The following SRSF6 variants were observed in gnomAD, a reference collection of about 807,000 sequenced individuals.
SRSF6 encodes the protein serine/arginine-rich splicing factor 6.
In SRSF6, 17 loss-of-function variants were observed where a neutral mutation model predicts 42.0. The observed-to-expected ratio is 0.40, with a 90% CI of 0.28 to 0.61. The LOEUF is 0.61. SRSF6 is among the 20% of genes least tolerant of loss of function. SRSF6 has a pLI of 0.37. For synonymous variants in SRSF6, 204 were observed against 166.7 expected (o/e 1.22, Z -1.72); for missense variants, 379 against 471.4 (o/e 0.80, Z 1.81).
rs1265646174 is a variant in SRSF6, at chr20:43,460,733, T to C, written c.705T>C (p.Arg235=). 3 of 1,613,950 alleles carry C rather than the reference T, an allele frequency of 1.9e-6. No homozygotes were observed. The highest frequency in any genetic ancestry group is 8.5e-7 in the Non-Finnish European group (1 of 1,179,896). ...RSRSRSKGRS[R]SRSKGRKSRS... is the part of the protein sequence containing the mutation. The stretch of plus-strand genomic sequence containing the variant: ...GGTCGCGGAGCAAAGGTCGATCACG[T>C]TCTCGATCAAAAGGCAGGAAATCTA... The change falls in exon 6 of 6, where the codon CGT becomes CGC. Residue 235 remains arginine, a synonymous_variant. Coordinates refer to ENST00000244020, the MANE Select transcript of SRSF6 (RefSeq NM_006275.6).
intron 1 of SRSF6, 90 bp downstream of exon 1, chr20:43,458,230 C>G: frequency 1.4e-6 from 2 of 1,464,552 alleles, no homozygotes; most frequent in Non-Finnish European, 1.8e-6. Flanking sequence ...GGCCGCGGCG[C>G]CGCGTGGCAG....
intron 2 of SRSF6, 69 bp downstream of exon 2, chr20:43,458,578 T>TC (rs2017538032): frequency 7.2e-7 from 1 of 1,386,472 alleles, no homozygotes; most frequent in Non-Finnish European, 9.3e-7. Context: ...GGGTGGGGCC[T>TC]CCCAGCCCGG....
At chr20:43,458,545 G>A (rs889754566) in intron 2 of SRSF6, 36 bp downstream of exon 2, 3 of 1,454,008 alleles carry the variant, frequency 2.1e-6, no homozygotes, top group African/African-American at 1.5e-5. Context: ...CGCCCTTGGG[G>A]ACCCTGGGGG....
rs1053075328 is a variant in SRSF6, at chr20:43,463,978, C to T, written c.*2915C>T. 2.6e-5 allele frequency: 4 copies of T among 152,208 alleles called. No homozygotes were observed. Among genetic ancestry groups the T allele is most frequent in the African/African-American group, 9.6e-5 (4 of 41,454 alleles). 9.4% of individuals were successfully genotyped at this position (152,208 alleles called of 1,614,324 possible). A position where few individuals can be genotyped will look rare whatever the true frequency, so the allele number is the denominator to read the frequency against. ...CAGCTGCTGTTAACAGTTCTTGTAT[C>T]TGCTCAAGAGATTTCTATGATCATA... On this transcript the variant is annotated 3_prime_UTR_variant, in exon 6 of 6. Coordinates refer to ENST00000244020, the MANE Select transcript of SRSF6 (RefSeq NM_006275.6).
Position 43,461,111 on chromosome 20 carries a change from G to A in SRSF6, c.*48G>A. ...TTATTATGGAACACTTTCCTACTTA[G>A]GCAGTTACTCTTCCATGTTTATACT... On this transcript the variant is annotated 3_prime_UTR_variant, in exon 6 of 6. Coordinates refer to ENST00000244020, the MANE Select transcript of SRSF6 (RefSeq NM_006275.6). 2 of 1,506,960 alleles carry A rather than the reference G, an allele frequency of 1.3e-6. No individual in the cohort carries two copies. Among genetic ancestry groups the A allele is most frequent in the South Asian group, 1.4e-5 (1 of 73,276 alleles). 93.3% of individuals were successfully genotyped at this position (1,506,960 alleles called of 1,614,324 possible).
At position 43,460,209 on chromosome 20, in the gene SRSF6, C is replaced by G. The variant is rs752947409; in HGVS notation, c.558C>G (p.Ser186Arg). Residue 186 changes from serine to arginine, a missense_variant, in exon 4 of 6, where the codon AGC (serine) becomes AGG (arginine). Ser to Arg is a moderately radical substitution (Grantham distance 110). Around this residue, in one of 3 missense-constraint regions of SRSF6, gnomAD observed 219 missense variants for 216.1 expected, o/e 1.01. Transcript: ENST00000244020. ...IRLIEDKPRTSHRRSYSGSRS... is the reference protein window; with the variant it reads ...IRLIEDKPRTRHRRSYSGSRS... Reference sequence around the variant, plus strand: ...TTATTGAAGATAAGCCACGCACAAGCCATAGGCGATCTTACTCTGGAAGCA... The same window carrying G: ...TTATTGAAGATAAGCCACGCACAAGGCATAGGCGATCTTACTCTGGAAGCA... 1 of 1,614,100 alleles carries G rather than the reference C, an allele frequency of 6.2e-7. No homozygotes were observed. Among genetic ancestry groups the G allele is most frequent in the Non-Finnish European group, 8.5e-7 (1 of 1,179,994 alleles).
intron 2 of SRSF6, chr20:43,459,075 T>A (rs1410858614): frequency 3.9e-6 from 5 of 1,290,348 alleles, no homozygotes; most frequent in Middle Eastern, 2.5e-4. Flanking sequence ...TTTTTGGTTA[T>A]GTTAAATGTT....
rs551284677 is a variant in SRSF6 at position 43,463,733 on chromosome 20, T to C, written c.*2670T>C. 2 of 152,414 alleles carry C rather than the reference T, an allele frequency of 1.3e-5. No individual in the cohort carries two copies. Among genetic ancestry groups the C allele is most frequent in the East Asian group, 3.9e-4 (2 of 5,188 alleles). 9.4% of individuals were successfully genotyped at this position (152,414 alleles called of 1,614,324 possible). ...ATGAGAACAGGATCTTGTGTTCACT[T>C]ACCCAGAAACGTGAGTTTGGGATTT... is the stretch of plus-strand genomic sequence containing the variant. On this transcript the variant is annotated 3_prime_UTR_variant, in exon 6 of 6. Transcript: ENST00000244020.
Position 43,459,902 on chromosome 20 carries a change from T to C in SRSF6, c.381+7T>C, listed in dbSNP as rs1208558036. 6.2e-7 allele frequency: 1 copy of C among 1,602,256 alleles called. No homozygotes were observed. Among genetic ancestry groups the C allele is most frequent in the Non-Finnish European group, 8.5e-7 (1 of 1,175,206 alleles). ...CAGTTGGCAAGATTTAAAGGTATGT[T>C]TTGTAATTCAAGATAGAAATGATAT... On this transcript the variant is annotated splice_region_variant and intron_variant, in intron 3 of 5. Transcript: ENST00000244020.
chr20:43,458,221 G>A, intron 1 of SRSF6, 81 bp downstream of exon 1: 3 of 1,474,596 alleles, frequency 2.0e-6, no homozygotes, highest in Non-Finnish European at 1.8e-6. Flanking sequence ...AGCGGCCAAG[G>A]CCGCGGCGCC....
intron 2 of SRSF6, chr20:43,459,165 C>A (rs768366306): frequency 1.5e-6 from 2 of 1,352,144 alleles, no homozygotes; most frequent in Non-Finnish European, 2.0e-6. Flanking sequence ...ACCAATGGGG[C>A]TGAGGCTGTG....
chr20:43,458,273 G>A (rs1044603860), intron 1 of SRSF6, 88 bp from the exon 2 acceptor site: 5 of 1,398,796 alleles, frequency 3.6e-6, no homozygotes, highest in Admixed American at 3.5e-5. Context: ...CGGCGTCGCG[G>A]GGGCGCGCGG....
Position 43,460,541 on chromosome 20 carries a change from G to C in SRSF6, c.617G>C (p.Ser206Thr). The C allele has an allele frequency of 5.6e-6, 9 of 1,614,184 alleles. No homozygotes were observed. Among genetic ancestry groups the C allele is most frequent in the Non-Finnish European group, 7.6e-6 (9 of 1,180,022 alleles). The change falls in exon 5 of 6, where the codon AGT becomes ACT. Residue 206 changes from serine (S) to threonine (T), a missense_variant. Coordinates refer to ENST00000244020, the MANE Select transcript of SRSF6 (RefSeq NM_006275.6). ...TCTCGATCTAGAAGACGGTCACGAA[G>C]TAGGAGTCGCAGGAGCAGCCGCAGT... ...SRSRSRRRSR[S>T]RSRRSSRSRS...
In SRSF6 at chr20:43,462,288, G is replaced by A. The variant is rs1431336607; in HGVS notation, c.*1225G>A. The A allele has an allele frequency of 6.6e-6, 1 of 152,188 alleles. No homozygotes were observed. The highest frequency in any genetic ancestry group is 1.9e-4 in the East Asian group (1 of 5,194). 9.4% of individuals were successfully genotyped at this position (152,188 alleles called of 1,614,324 possible). On this transcript the variant is annotated 3_prime_UTR_variant, in exon 6 of 6. Transcript: ENST00000244020. ...AACCAAATTTGAATACTGCAAATTT[G>A]TAGGAGTTACTAGGTTAGCAATTAG...
Position 43,463,237 on chromosome 20 carries a change from A to C in SRSF6, c.*2174A>C, listed in dbSNP as rs942644798. 1.9e-4 allele frequency: 29 copies of C among 154,970 alleles called. No homozygotes were observed. Among genetic ancestry groups the C allele is most frequent in the African/African-American group, 6.5e-4 (27 of 41,650 alleles). The allele number at this position is 154,970 out of a possible 1,614,324, so 9.6% of individuals were successfully genotyped here. ...ACCAATTTATTAACAGTCAGGGCCT[A>C]TCCTTGCCTGTAGTTCTCAGTCACT... is the stretch of plus-strand genomic sequence containing the variant. On this transcript the variant is annotated 3_prime_UTR_variant, in exon 6 of 6. Transcript: ENST00000244020.
chr20:43,461,161 C>G lies in SRSF6; in HGVS notation c.*98C>G. The G allele has an allele frequency of 4.2e-6, 6 of 1,432,768 alleles. No individual in the cohort carries two copies. In the Middle Eastern group the frequency reaches 9.1e-4, roughly 217 times the overall value. 88.8% of individuals were successfully genotyped at this position (1,432,768 alleles called of 1,614,324 possible). Reference sequence around the variant, plus strand: ...TTGGCCTCTTCTGCAAGAGGAATCTCTTGAAAACAGGGGCACACAGAAATT... The same window carrying G: ...TTGGCCTCTTCTGCAAGAGGAATCTGTTGAAAACAGGGGCACACAGAAATT... On this transcript the variant is annotated 3_prime_UTR_variant, in exon 6 of 6. Transcript: ENST00000244020.
chr20:43,460,380 C>T (rs1191338907), intron 4 of SRSF6, 135 bp from the exon 5 acceptor site: 3 of 1,241,878 alleles, frequency 2.4e-6, no homozygotes, highest in Non-Finnish European at 3.4e-6. Flanking sequence ...GCGTTCTTTT[C>T]TGGATGTTTT....
rs1163333097 is a variant in SRSF6, at chr20:43,461,662, C to A, written c.*599C>A. On this transcript the variant is annotated 3_prime_UTR_variant, in exon 6 of 6. Transcript: ENST00000244020. ...AAGTGTAAACAAGGCAAGCCTCAGA[C>A]CAGCAATAAATTACTCAGTTTGGAT... 1 of 152,518 alleles carries A rather than the reference C, an allele frequency of 6.6e-6. No individual in the cohort carries two copies. The highest frequency in any genetic ancestry group is 1.5e-5 in the Non-Finnish European group (1 of 68,036). The allele number at this position is 152,518 out of a possible 1,614,324, so 9.4% of individuals were successfully genotyped here.
chr20:43,463,753 G>T lies in SRSF6; in HGVS notation c.*2690G>T, dbSNP rs945960866. ...TCACTTACCCAGAAACGTGAGTTTG[G>T]GATTTAGTATATGGTTTATGTTGGG... is the stretch of plus-strand genomic sequence containing the variant. On this transcript the variant is annotated 3_prime_UTR_variant, in exon 6 of 6. Transcript: ENST00000244020. 6.6e-6 allele frequency: 1 copy of T among 152,188 alleles called. No homozygotes were observed. Among genetic ancestry groups the T allele is most frequent in the South Asian group, 2.1e-4 (1 of 4,824 alleles). 9.4% of individuals were successfully genotyped at this position (152,188 alleles called of 1,614,324 possible). A position where few individuals can be genotyped will look rare whatever the true frequency, so the allele number is the denominator to read the frequency against.
Sources: gnomAD v4.1 joint callset for allele counts on GRCh38, gnomAD v4.1.1 for gene constraint, gnomAD v4.1.1 regional missense constraint, MANE v1.5 for transcripts, NCBI Gene and HGNC (gene_info 2026-07-23, HGNC 2026-07-21) for gene names.